Variants in FAM186B observed in about 807,000 individuals in gnomAD.
FAM186B encodes the protein protein FAM186B.
Under a neutral mutation model 83.4 loss-of-function variants are expected in FAM186B, and 68 were observed. That is an observed-to-expected ratio of 0.81 (90% CI 0.67 to 1.00). FAM186B has a LOEUF of 1.00. FAM186B is among the 50% of genes least tolerant of loss of function. FAM186B has a pLI of 0.00. For missense variants in FAM186B, 983 were observed against 1,099.2 expected, an observed-to-expected ratio of 0.89 and a Z score of 1.49; for synonymous variants, 389 against 422.0, an observed-to-expected ratio of 0.92 and a Z score of 0.96.
chr12:49,598,919 T>G lies in FAM186B; in HGVS notation c.2200A>C (p.Met734Leu). 1 of 1,613,772 alleles carries G rather than the reference T, an allele frequency of 6.2e-7. No homozygotes were observed. The highest frequency in any genetic ancestry group is 8.5e-7 in the Non-Finnish European group (1 of 1,179,966). The change falls in exon 5 of 7, where the codon ATG (methionine) becomes CTG (leucine). Residue 734 changes from methionine to leucine, a missense_variant. Met to Leu is a conservative substitution (Grantham distance 15). Transcript: ENST00000257894. Reference sequence around the variant, plus strand: ...TTGTAGGAAGCCTCCGTTTCTTTCATGATTTGTACATGGTTGATCGCTTCT... The same window carrying G: ...TTGTAGGAAGCCTCCGTTTCTTTCAGGATTTGTACATGGTTGATCGCTTCT... ...RQEAINHVQI[M>L]KETEASYKAQ...
chr12:49,610,133 G>A (rs1940069711), upstream of FAM186B, among the ~76,000 whole-genome samples: 1 of 150,328 alleles, frequency 6.7e-6, no homozygotes, highest in Non-Finnish European at 1.5e-5. Flanking sequence ...GAGAGGGAAA[G>A]GGAAGGTGGA....
chr12:49,589,153 C>T (rs944064625), intron 5 of FAM186B, among the ~76,000 whole-genome samples: 4 of 152,208 alleles, frequency 2.6e-5, no homozygotes, highest in Non-Finnish European at 4.4e-5. Context: ...ACCTCCATGG[C>T]CAAGGCTCTT....
chr12:49,618,436 T>C, the FAM186B span, among the ~76,000 whole-genome samples: 4 of 150,754 alleles, frequency 2.7e-5, no homozygotes, highest in Non-Finnish European at 5.9e-5. Flanking sequence ...AGGTGACCCA[T>C]CCTTAAGTGT....
At chr12:49,586,540 G>A (rs773938587), downstream of FAM186B, among the ~76,000 whole-genome samples, 53 of 152,174 alleles carry the variant, frequency 3.5e-4, no homozygotes, top group Non-Finnish European at 6.6e-4. Flanking sequence ...GAAGGGATGC[G>A]GAGAGGAGAG....
At chr12:49,583,624 A>T (rs1280671420), downstream of FAM186B, 1 of 153,604 alleles carries the variant, frequency 6.5e-6, no homozygotes, top group Non-Finnish European at 1.4e-5. Context: ...CATCATCCAC[A>T]GAACCAGCTG....
Position 49,602,056 on chromosome 12 carries a change from T to C in FAM186B, c.506-922A>G, listed in dbSNP as rs1309457953. Among the ~76,000 whole-genome samples the C allele has an allele frequency of 5.3e-5, 8 of 152,332 alleles. No individual in the cohort carries two copies. In the South Asian group the frequency reaches 1.5e-3, roughly 28 times the overall value. On this transcript the variant is annotated intron_variant, in intron 3 of 6. Transcript: ENST00000257894. The stretch of plus-strand genomic sequence containing the variant: ...ATCTTTCTGATTTGCCTTGGGCAAT[T>C]TTCCTAACTTCTCAGTGTCTCAGTT...
chr12:49,592,563 C>G (rs1362996898), intron 5 of FAM186B, among the ~76,000 whole-genome samples: 1 of 151,424 alleles, frequency 6.6e-6, no homozygotes. Flanking sequence ...GCGGGTGGAT[C>G]ACATGAGGCC....
At position 49,599,564 on chromosome 12, in the gene FAM186B, T is replaced by G; in HGVS notation, c.2076A>C (p.Ala692=). Residue 692 remains alanine, a synonymous_variant, in exon 4 of 7, where the codon GCA becomes GCC. Coordinates refer to ENST00000257894, the MANE Select transcript of FAM186B (RefSeq NM_032130.3). ...LRLPHYLRSK[A]LELTTTTMEL... ...CCATGGTGGTGGTGGTGAGCTCCAG[T>G]GCTTTGCTGCGCAGGTAGTGGGGCA... is the stretch of plus-strand genomic sequence containing the variant. 6.2e-7 allele frequency: 1 copy of G among 1,612,200 alleles called. No individual in the cohort carries two copies. Among genetic ancestry groups the G allele is most frequent in the Non-Finnish European group, 8.5e-7 (1 of 1,179,110 alleles).
chr12:49,594,360 C>T (rs1325272896), intron 5 of FAM186B: 1 of 159,080 alleles, frequency 6.3e-6, no homozygotes, highest in Non-Finnish European at 1.4e-5. Flanking sequence ...TAGTAGATCC[C>T]CCTTATCCTT....
At position 49,600,620 on chromosome 12, in the gene FAM186B, A is replaced by T; in HGVS notation, c.1020T>A (p.Gly340=). 6.2e-6 allele frequency: 10 copies of T among 1,613,072 alleles called. No homozygotes were observed. Among genetic ancestry groups the T allele is most frequent in the Non-Finnish European group, 8.5e-6 (10 of 1,179,494 alleles). ...DLAEVSVDSP[G]PSERETLPRK... ...TTGGGAGGGTCTCTCTCTCAGAGGGACCTGGGGAGTCAACAGAAACCTCAG... is the reference window on the plus strand; with the variant it reads ...TTGGGAGGGTCTCTCTCTCAGAGGGTCCTGGGGAGTCAACAGAAACCTCAG... The change falls in exon 4 of 7, where the codon GGT becomes GGA. Residue 340 remains glycine (G), a synonymous_variant. Transcript: ENST00000257894. This position sits in a 1 kb window ranked among gnomAD's most constrained non-coding sequence, Gnocchi z 4.3.
chr12:49,596,625 G>A (rs1432203315), intron 5 of FAM186B, among the ~76,000 whole-genome samples: 1 of 152,180 alleles, frequency 6.6e-6, no homozygotes, highest in Non-Finnish European at 1.5e-5. Flanking sequence ...AAAGACAGGC[G>A]ATAGCAAGGT....
chr12:49,587,792 G>C (rs762625701), intron 6 of FAM186B, 40 bp from the exon 7 acceptor site: 1 of 1,583,072 alleles, frequency 6.3e-7, no homozygotes, highest in Non-Finnish European at 8.6e-7. Context: ...AAGCAACAGA[G>C]AGAGATTGAG....
chr12:49,601,194 A>G, intron 3 of FAM186B, 60 bp from the exon 4 acceptor site: 2 of 1,507,306 alleles, frequency 1.3e-6, no homozygotes, highest in Non-Finnish European at 1.8e-6. Context: ...GATTGCATTG[A>G]TTCTCCAAAC....
chr12:49,583,961 A>G (rs1447836619), downstream of FAM186B: 2 of 157,340 alleles, frequency 1.3e-5, no homozygotes, highest in African/African-American at 2.4e-5. Context: ...CACACCGTCT[A>G]TATTTGAACC....
chr12:49,599,171 A>G (rs1236347161), intron 4 of FAM186B, among the ~76,000 whole-genome samples: 2 of 152,178 alleles, frequency 1.3e-5, no homozygotes, highest in African/African-American at 4.8e-5. Flanking sequence ...ACAGGGGAGC[A>G]CATTAGGTGG....
downstream of FAM186B, among the ~76,000 whole-genome samples, chr12:49,585,765 G>C (rs1280807520): frequency 1.3e-5 from 2 of 152,224 alleles, no homozygotes; most frequent in African/African-American, 4.8e-5. Flanking sequence ...GAGTGAGCCA[G>C]CACCACGCAG....
chr12:49,604,048 G>A, intron 2 of FAM186B: 1 of 491,062 alleles, frequency 2.0e-6, no homozygotes, highest in Non-Finnish European at 3.6e-6. Flanking sequence ...TAGCTAATGT[G>A]GGTTTGAATT....
At chr12:49,607,847 G>A (rs1350237362), upstream of FAM186B, among the ~76,000 whole-genome samples, 3 of 151,850 alleles carry the variant, frequency 2.0e-5, no homozygotes, top group Non-Finnish European at 4.4e-5. Context: ...CTACAGGTGC[G>A]TGCCACCACG....
chr12:49,591,698 T>C (rs1939584302), intron 5 of FAM186B, among the ~76,000 whole-genome samples: 1 of 152,174 alleles, frequency 6.6e-6, no homozygotes, highest in Admixed American at 6.5e-5. Context: ...CAATGTACAG[T>C]TGTCCCTTGC....
Sources: allele counts gnomAD v4.1 joint callset (sites outside exome capture counted in the v4.1 genomes callset), GRCh38; gene constraint gnomAD v4.1.1; non-coding constraint Gnocchi (gnomAD v3.1); transcripts MANE v1.5; gene names NCBI Gene and HGNC (gene_info 2026-07-23, HGNC 2026-07-21).